Variants in ZDHHC11B observed in about 807,000 individuals in gnomAD.
ZDHHC11B encodes the protein zDHHC palmitoyltransferase 11B (putative).
ZDHHC11B carries 17 observed loss-of-function variants against 42.3 expected under a neutral mutation model. The observed-to-expected ratio is 0.40, with a 90% CI of 0.27 to 0.60. The LOEUF (loss-of-function observed/expected upper bound fraction) is 0.60. Among genes scored for constraint, ZDHHC11B ranks in the 20% least tolerant of loss-of-function variants. The pLI, the probability that ZDHHC11B is intolerant of heterozygous loss-of-function variation, is 0.41. For synonymous variants in ZDHHC11B, 123 were observed against 193.5 expected, an observed-to-expected ratio of 0.64 and a Z score of 3.02; for missense variants, 262 against 463.2, an observed-to-expected ratio of 0.57 and a Z score of 3.99.
At chr5:766,365 G>A (rs1479669618) in intron 4 of ZDHHC11B, among the ~76,000 whole-genome samples, 4 of 151,862 alleles carry the variant, frequency 2.6e-5, no homozygotes, top group African/African-American at 4.8e-5. Flanking sequence ...GGGAGCAGAC[G>A]GCCTGACATG....
At chr5:775,449 C>A (rs1352628939) in intron 1 of ZDHHC11B, among the ~76,000 whole-genome samples, 1 of 151,968 alleles carries the variant, frequency 6.6e-6, no homozygotes, top group Admixed American at 6.6e-5. Flanking sequence ...TGATGGCAGC[C>A]AACTGGATTC....
chr5:763,746 T>C (rs1401124827), intron 4 of ZDHHC11B, among the ~76,000 whole-genome samples: 1 of 151,862 alleles, frequency 6.6e-6, no homozygotes, highest in Admixed American at 6.6e-5. Context: ...TGTTAAGAAA[T>C]GGCTATATAA....
chr5:771,821 G>A (rs1341836862), intron 1 of ZDHHC11B, among the ~76,000 whole-genome samples: 2 of 146,666 alleles, frequency 1.4e-5, no homozygotes, highest in Non-Finnish European at 3.0e-5. Context: ...CTCATCTCCT[G>A]TGGGGATGCG....
intron 1 of ZDHHC11B, among the ~76,000 whole-genome samples, chr5:775,396 G>A (rs112336233): frequency 0.015 from 2,201 of 151,370 alleles, 47 homozygotes; most frequent in African/African-American, 0.029. Context: ...CCTCATGCAG[G>A]CACAGCCTGA....
chr5:757,506 C>A (rs1734028322), intron 4 of ZDHHC11B, among the ~76,000 whole-genome samples: 2 of 152,052 alleles, frequency 1.3e-5, no homozygotes, highest in Admixed American at 6.6e-5. Flanking sequence ...GTCCTGGCAC[C>A]ACCTTGGGGC....
In ZDHHC11B at chr5:766,254, A is replaced by T. The variant is rs549579984; in HGVS notation, c.222+444T>A. 6.6e-5 allele frequency among the ~76,000 whole-genome samples: 10 copies of T among 151,738 alleles called. No homozygotes were observed. In the East Asian group the frequency reaches 1.9e-3, roughly 29 times the overall value. On this transcript the variant is annotated intron_variant, in intron 4 of 13. Coordinates refer to ENST00000508859, the MANE Select transcript of ZDHHC11B (RefSeq NM_001351303.2). Reference sequence around the variant, plus strand: ...GGTCCCCTACCCACTGGGAGACAGGAGCAGACACGGGCTTCCCCCTCTTTG... The same window carrying T: ...GGTCCCCTACCCACTGGGAGACAGGTGCAGACACGGGCTTCCCCCTCTTTG...
At chr5:754,737 C>T (rs1245812918) in intron 6 of ZDHHC11B, among the ~76,000 whole-genome samples, 10 of 104,284 alleles carry the variant, frequency 9.6e-5, no homozygotes, top group African/African-American at 3.0e-4. Flanking sequence ...CCTCAGCCAG[C>T]GTGGCCCCGC....
intron 1 of ZDHHC11B, among the ~76,000 whole-genome samples, chr5:780,528 C>G (rs1396241507): frequency 6.8e-6 from 1 of 147,866 alleles, no homozygotes; most frequent in Non-Finnish European, 1.5e-5. Context: ...AGGTTAAAAA[C>G]AGGCAAAGCC....
chr5:784,512 G>C (rs1482105906), intron 1 of ZDHHC11B, among the ~76,000 whole-genome samples, 156 bp downstream of exon 1: 5 of 152,268 alleles, frequency 3.3e-5, no homozygotes, highest in African/African-American at 4.8e-5. Context: ...CAATCCGGGG[G>C]CTCAGGGACG....
intron 8 of ZDHHC11B, among the ~76,000 whole-genome samples, chr5:746,332 C>G (rs1218324486): frequency 6.8e-6 from 1 of 147,462 alleles, no homozygotes; most frequent in African/African-American, 2.5e-5. Flanking sequence ...TCACAGGATG[C>G]GTCTCACCAC....
chr5:748,917 GCGCC>G (rs879346888), intron 7 of ZDHHC11B, among the ~76,000 whole-genome samples: 7,245 of 101,166 alleles, frequency 0.072, 848 homozygotes, highest in East Asian at 0.25. Context: ...TGGGGTCACA[GCGCC>G]CACCCCTTCC....
At chr5:772,491 C>T (rs1461797892) in intron 1 of ZDHHC11B, among the ~76,000 whole-genome samples, 7 of 151,948 alleles carry the variant, frequency 4.6e-5, no homozygotes, top group Admixed American at 4.6e-4. Flanking sequence ...CTGAGGGGAG[C>T]AAGGCCACCT....
At chr5:739,239 G>A (rs1286813716) in intron 10 of ZDHHC11B, among the ~76,000 whole-genome samples, 2 of 150,704 alleles carry the variant, frequency 1.3e-5, no homozygotes, top group African/African-American at 4.9e-5. Context: ...CTCTGCTAAC[G>A]ACACAAAAAT....
chr5:751,632 AG>A (rs1470954305), intron 6 of ZDHHC11B, among the ~76,000 whole-genome samples: 1 of 126,914 alleles, frequency 7.9e-6, no homozygotes, highest in Non-Finnish European at 1.8e-5. Flanking sequence ...GTGACAGGTC[AG>A]CGTGGGCGTC....
Position 730,391 on chromosome 5 carries a change from T to G in ZDHHC11B, c.1058+43A>C. 4 of 1,567,504 alleles carry G rather than the reference T, an allele frequency of 2.6e-6. No individual in the cohort carries two copies. The South Asian group carries it at 4.9e-5, about 19-fold the overall frequency. On this transcript the variant is annotated intron_variant, in intron 12 of 13. Coordinates refer to ENST00000508859, the MANE Select transcript of ZDHHC11B (RefSeq NM_001351303.2). The stretch of plus-strand genomic sequence containing the variant: ...CCTAGGTAATTTGAGTTCAGGCAAG[T>G]GTACAGACAGATAAAACGTTCCCAT...
chr5:784,401 C>A (rs1254331608), intron 1 of ZDHHC11B, among the ~76,000 whole-genome samples: 1 of 152,026 alleles, frequency 6.6e-6, no homozygotes, highest in Non-Finnish European at 1.5e-5. Context: ...AGTGACAGAC[C>A]TGTCCCTGGC....
At chr5:764,927 ACT>A (rs1735081574) in intron 4 of ZDHHC11B, among the ~76,000 whole-genome samples, 1 of 114,936 alleles carries the variant, frequency 8.7e-6, no homozygotes, top group African/African-American at 3.0e-5. Context: ...ACCAATCAGC[ACT>A]CTGTATCTAG....
chr5:713,916 C>T (rs365283), intron 13 of ZDHHC11B, among the ~76,000 whole-genome samples: 31,782 of 96,388 alleles, frequency 0.33, 7,134 homozygotes, highest in African/African-American at 0.58. Context: ...GCCCTTTGTA[C>T]CTCCTGAAAA....
chr5:730,361 A>G (rs1579270044), intron 12 of ZDHHC11B, 73 bp downstream of exon 12: 1 of 1,485,276 alleles, frequency 6.7e-7, no homozygotes, highest in South Asian at 1.3e-5. Context: ...TAGAGAACAT[A>G]TTTTCCTAGG....
Sources: gnomAD v4.1 joint callset for allele counts (sites outside exome capture counted in the v4.1 genomes callset) on GRCh38, gnomAD v4.1.1 for gene constraint, MANE v1.5 for transcripts, NCBI Gene and HGNC (gene_info 2026-07-23, HGNC 2026-07-21) for gene names.